DIS3L2: variants seen among roughly 807,000 people sequenced by gnomAD.
DIS3L2 encodes DIS3 like 3'-5' exoribonuclease 2, also known as DIS3-like exonuclease 2.
DIS3L2 carries 34 observed loss-of-function variants against 97.5 expected under a neutral mutation model. The ratio of observed to expected loss-of-function variants is 0.35; its 90% CI spans 0.27 to 0.46. DIS3L2 has a LOEUF of 0.46. Among genes scored for constraint, DIS3L2 ranks in the 20% least tolerant of loss-of-function variants. The pLI is 1.00. For missense variants in DIS3L2, 1,038 were observed against 1,146.0 expected, an observed-to-expected ratio of 0.91 and a Z score of 1.36; for synonymous variants, 435 against 445.2, an observed-to-expected ratio of 0.98 and a Z score of 0.29.
At chr2:232,166,795 T>C (rs1038167890) in intron 9 of DIS3L2, among the ~76,000 whole-genome samples, 1 of 151,404 alleles carries the variant, frequency 6.6e-6, no homozygotes, top group Non-Finnish European at 1.5e-5. Flanking sequence ...CCAAGGTGGG[T>C]GGATCACTCG....
chr2:232,122,749 GACA>G (rs374604424), intron 6 of DIS3L2, among the ~76,000 whole-genome samples: 8 of 151,926 alleles, frequency 5.3e-5, no homozygotes, highest in East Asian at 1.9e-4. Flanking sequence ...AACTCCAAGA[GACA>G]ACAACAACAA....
chr2:232,094,718 C>CAAAA (rs59253625), intron 6 of DIS3L2, among the ~76,000 whole-genome samples: 21 of 111,468 alleles, frequency 1.9e-4, no homozygotes, highest in African/African-American at 5.3e-4. Flanking sequence ...GACTCCATCT[C>CAAAA]AAAAAAAAAA....
Position 232,003,525 on chromosome 2 carries a change from A to G in DIS3L2, c.-93-11310A>G, listed in dbSNP as rs889834038. Among the ~76,000 whole-genome samples the G allele has an allele frequency of 7.2e-5, 11 of 152,248 alleles. No homozygotes were observed. In the East Asian group the frequency reaches 9.6e-4, roughly 13 times the overall value. ...CTTTACTCATGTATAATTTACATAC[A>G]TTAAATATTTCTGGTGCTTAACATT... On this transcript the variant is annotated intron_variant, in intron 1 of 20. Coordinates refer to ENST00000325385, the MANE Select transcript of DIS3L2 (RefSeq NM_152383.5).
chr2:232,240,716 G>A (rs1386592133), intron 11 of DIS3L2, among the ~76,000 whole-genome samples: 1 of 152,194 alleles, frequency 6.6e-6, no homozygotes, highest in Non-Finnish European at 1.5e-5. Context: ...GCTCTGAGCA[G>A]GTATAGGCAG....
intron 7 of DIS3L2, chr2:232,130,940 G>T (rs1007829470): frequency 1.8e-6 from 1 of 559,264 alleles, no homozygotes; most frequent in Non-Finnish European, 2.9e-6. Flanking sequence ...TTCTTTGAGT[G>T]TGGGTATGTT....
chr2:231,989,177 A>G (rs1193822490), intron 1 of DIS3L2, among the ~76,000 whole-genome samples: 4 of 152,168 alleles, frequency 2.6e-5, no homozygotes, highest in Non-Finnish European at 2.9e-5. Flanking sequence ...TCACAGCATG[A>G]AATTTGGATT....
intron 6 of DIS3L2, among the ~76,000 whole-genome samples, chr2:232,092,676 T>C (rs1574868993): frequency 6.6e-6 from 1 of 152,214 alleles, no homozygotes. Flanking sequence ...GGGATTACTT[T>C]CTTGCTTTCT....
At position 232,086,359 on chromosome 2, in the gene DIS3L2, G is replaced by GTGTATGTGTATATGTATA. The variant is rs1239841497; in HGVS notation, c.367-1123_367-1122insGTGTATATGTATATGTAT. Among the ~76,000 whole-genome samples the GTGTATGTGTATATGTATA allele has an allele frequency of 3.6e-5, 5 of 138,192 alleles. No homozygotes were observed. In the Admixed American group the frequency reaches 3.7e-4, roughly 10 times the overall value. 90.7% of individuals were successfully genotyped at this position (138,192 alleles called of 152,430 possible). A position where few individuals can be genotyped will look rare whatever the true frequency, so the allele number is the denominator to read the frequency against. ...TATATATACATATATGTATATATATGTGTATATGTATATGTATATGTATAT... is the reference window on the plus strand; with the variant it reads ...TATATATACATATATGTATATATATGTGTATGTGTATATGTATATGTATATGTATATGTATATGTATAT... On this transcript the variant is annotated intron_variant, in intron 5 of 20. Transcript: ENST00000325385.
chr2:232,337,683 C>T (rs776486823), downstream of DIS3L2, among the ~76,000 whole-genome samples: 42 of 152,146 alleles, frequency 2.8e-4, no homozygotes, highest in Admixed American at 9.8e-4. Context: ...ATGGTGAGCA[C>T]GGCCTCTGTT....
At chr2:231,963,378 G>GT (rs2106209646) in intron 1 of DIS3L2, among the ~76,000 whole-genome samples, 1 of 152,170 alleles carries the variant, frequency 6.6e-6, no homozygotes, top group African/African-American at 2.4e-5. Flanking sequence ...GTATGTCGTG[G>GT]TTTTTTCTTT....
At chr2:232,164,170 T>C (rs970227441) in intron 9 of DIS3L2, among the ~76,000 whole-genome samples, 3 of 152,234 alleles carry the variant, frequency 2.0e-5, no homozygotes, top group South Asian at 2.1e-4. Context: ...CAGACTGTTA[T>C]CTAGTGAGAA....
At chr2:232,017,552 G>T (rs1574814368) in intron 3 of DIS3L2, among the ~76,000 whole-genome samples, 1 of 152,270 alleles carries the variant, frequency 6.6e-6, no homozygotes, top group East Asian at 1.9e-4. Context: ...CATTTTATCT[G>T]TAAGTTTCTT....
chr2:231,986,025 G>C (rs1340698823), intron 1 of DIS3L2, among the ~76,000 whole-genome samples: 1 of 152,202 alleles, frequency 6.6e-6, no homozygotes, highest in African/African-American at 2.4e-5. Flanking sequence ...TTTTGCCCAT[G>C]CTGGATGCTT....
At chr2:232,050,933 A>T (rs1465233429) in intron 5 of DIS3L2, among the ~76,000 whole-genome samples, 3 of 152,216 alleles carry the variant, frequency 2.0e-5, no homozygotes, top group Non-Finnish European at 4.4e-5. Flanking sequence ...TGCCTAAGGG[A>T]ACTTAAATTT....
intron 8 of DIS3L2, among the ~76,000 whole-genome samples, chr2:232,156,342 C>A (rs58034960): frequency 6.6e-6 from 1 of 152,256 alleles, no homozygotes; most frequent in African/African-American, 2.4e-5. Flanking sequence ...TATGCACTTG[C>A]ATCTTTGCTT....
chr2:232,295,254 A>G (rs1251687047), intron 13 of DIS3L2, among the ~76,000 whole-genome samples: 1 of 151,984 alleles, frequency 6.6e-6, no homozygotes, highest in Middle Eastern at 3.2e-3. Context: ...GCAATTTCAA[A>G]CCTTCATCAC....
intron 4 of DIS3L2, among the ~76,000 whole-genome samples, chr2:232,028,484 C>T (rs1200967564): frequency 6.6e-6 from 1 of 152,060 alleles, no homozygotes; most frequent in Non-Finnish European, 1.5e-5. Flanking sequence ...TCAACTCAGC[C>T]CTGCTTTCCT....
chr2:232,216,363 G>A (rs1044848367), intron 10 of DIS3L2, among the ~76,000 whole-genome samples: 1 of 152,180 alleles, frequency 6.6e-6, no homozygotes, highest in African/African-American at 2.4e-5. Context: ...TTCTTCTCCA[G>A]TCGCCTTTTT....
In DIS3L2 at chr2:231,981,598, TTATATATATATA is replaced by T. The variant is rs10669283; in HGVS notation, c.-94+19861_-94+19872del. Among the ~76,000 whole-genome samples, 66 of 84,056 alleles carry T rather than the reference TTATATATATATA, an allele frequency of 7.9e-4. 1 individual carries two copies. The highest frequency in any genetic ancestry group is 5.2e-3 in the East Asian group (11 of 2,114). 55.1% of individuals were successfully genotyped at this position (84,056 alleles called of 152,430 possible). On this transcript the variant is annotated intron_variant, in intron 1 of 20. Coordinates refer to ENST00000325385, the MANE Select transcript of DIS3L2 (RefSeq NM_152383.5). ...CAGTAATGTTATACTGTTAAGTATT[TTATATATATATA>T]TATATATATATATATATATATATAT...
Sources: gnomAD v4.1 joint callset for allele counts (sites outside exome capture counted in the v4.1 genomes callset) on GRCh38, gnomAD v4.1.1 for gene constraint, MANE v1.5 for transcripts, NCBI Gene and HGNC (gene_info 2026-07-23, HGNC 2026-07-21) for gene names.